FOXP1: variants seen among roughly 807,000 people sequenced by gnomAD.
FOXP1 encodes the protein forkhead box P1.
FOXP1 carries 15 observed loss-of-function variants against 98.2 expected under a neutral mutation model. The ratio of observed to expected loss-of-function variants is 0.15; its 90% CI spans 0.10 to 0.24. The LOEUF (loss-of-function observed/expected upper bound fraction) is 0.24. Among genes scored for constraint, FOXP1 ranks in the 10% least tolerant of loss-of-function variants. The pLI is 1.00. For synonymous variants in FOXP1, 371 were observed against 314.5 expected, an observed-to-expected ratio of 1.18 and a Z score of -1.90; for missense variants, 633 against 848.5, an observed-to-expected ratio of 0.75 and a Z score of 3.15.
chr3:71,145,228 A>T (rs955486970), intron 6 of FOXP1, among the ~76,000 whole-genome samples: 9 of 151,586 alleles, frequency 5.9e-5, no homozygotes, highest in Non-Finnish European at 1.2e-4. Context: ...ATTTTTATTT[A>T]TTTATTTTTT....
At chr3:71,314,653 A>T (rs1560292020) in intron 4 of FOXP1, among the ~76,000 whole-genome samples, 1 of 151,906 alleles carries the variant, frequency 6.6e-6, no homozygotes, top group African/African-American at 2.4e-5. Context: ...CAAAGTACTT[A>T]TTTTTTCCCC....
intron 2 of FOXP1, among the ~76,000 whole-genome samples, chr3:71,555,189 C>T (rs550349369): frequency 5.3e-5 from 8 of 152,262 alleles, no homozygotes; most frequent in Non-Finnish European, 8.8e-5. Context: ...CACTCTGCAG[C>T]GGGACTTCTC....
At position 70,958,737 on chromosome 3, in the gene FOXP1, C is replaced by CAAAAAAAAAAAAAAA. The variant is rs10633687; in HGVS notation, c.*495_*509dup. On this transcript the variant is annotated 3_prime_UTR_variant, in exon 21 of 21. Transcript: ENST00000649528. The stretch of plus-strand genomic sequence containing the variant: ...AGGCCTTCCCCATCCCAACTGGAAG[C>CAAAAAAAAAAAAAAA]AAAAAAAAAAAAAAAAAAAAAAAAA... The CAAAAAAAAAAAAAAA allele has an allele frequency of 4.2e-5, 1 of 23,836 alleles. No individual in the cohort carries two copies. Among genetic ancestry groups the CAAAAAAAAAAAAAAA allele is most frequent in the African/African-American group, 1.6e-4 (1 of 6,280 alleles). 1.5% of individuals were successfully genotyped at this position (23,836 alleles called of 1,614,324 possible).
intron 7 of FOXP1, among the ~76,000 whole-genome samples, chr3:71,093,338 A>G (rs2056102788): frequency 6.6e-6 from 1 of 150,818 alleles, no homozygotes; most frequent in African/African-American, 2.4e-5. Context: ...AGATCTTTTC[A>G]CAATGATGGA....
chr3:71,139,801 G>A (rs1269964732), intron 6 of FOXP1, among the ~76,000 whole-genome samples: 2 of 152,198 alleles, frequency 1.3e-5, no homozygotes, highest in African/African-American at 2.4e-5. Context: ...TCGCTATTAT[G>A]TGTTAAGGAA....
intron 2 of FOXP1, among the ~76,000 whole-genome samples, chr3:71,509,725 A>C (rs763289027): frequency 3.3e-5 from 5 of 152,068 alleles, no homozygotes; most frequent in African/African-American, 4.8e-5. Context: ...TCTACAAAAA[A>C]TTAAAAATTA....
chr3:70,956,620 A>G lies in FOXP1; in HGVS notation c.*2627T>C. The G allele has an allele frequency of 4.5e-6, 1 of 221,768 alleles. No individual in the cohort carries two copies. Among genetic ancestry groups the G allele is most frequent in the Non-Finnish European group, 8.9e-6 (1 of 111,850 alleles). 13.7% of individuals were successfully genotyped at this position (221,768 alleles called of 1,614,324 possible). Reference sequence around the variant, plus strand: ...GAATGAACTAATCTACCAGATTTTTATCCTCTTTTGAATACCAAACTAACC... The same window carrying G: ...GAATGAACTAATCTACCAGATTTTTGTCCTCTTTTGAATACCAAACTAACC... On this transcript the variant is annotated 3_prime_UTR_variant, in exon 21 of 21. Coordinates refer to ENST00000649528, the MANE Select transcript of FOXP1 (RefSeq NM_001349338.3).
intron 6 of FOXP1, among the ~76,000 whole-genome samples, chr3:71,161,270 G>A (rs1346869639): frequency 6.6e-6 from 1 of 152,164 alleles, no homozygotes; most frequent in Admixed American, 6.5e-5. Flanking sequence ...GCTCAGCTAG[G>A]CGATTCTTTG....
intron 4 of FOXP1, among the ~76,000 whole-genome samples, chr3:71,340,998 T>A (rs567463158): frequency 6.6e-6 from 1 of 151,934 alleles, no homozygotes; most frequent in East Asian, 1.9e-4. Flanking sequence ...ACAGGAGAAA[T>A]AGACAACTCC....
intron 3 of FOXP1, among the ~76,000 whole-genome samples, chr3:71,476,163 A>C (rs898238642): frequency 1.6e-4 from 25 of 152,246 alleles, no homozygotes; most frequent in African/African-American, 6.0e-4. Context: ...AATGACTGAA[A>C]GTGGTTTTCT....
At chr3:71,025,320 G>A (rs2045965810) in intron 11 of FOXP1, among the ~76,000 whole-genome samples, 2 of 152,088 alleles carry the variant, frequency 1.3e-5, no homozygotes, top group Non-Finnish European at 2.9e-5. Context: ...CCGATTCGGT[G>A]GTTCTGGGTG....
chr3:71,007,224 C>CA (rs1401845925), intron 12 of FOXP1, among the ~76,000 whole-genome samples: 1 of 152,136 alleles, frequency 6.6e-6, no homozygotes, highest in East Asian at 1.9e-4. Context: ...TTGCAATACT[C>CA]AAAGACTTGT....
At chr3:71,411,070 C>G (rs1251033809) in intron 3 of FOXP1, among the ~76,000 whole-genome samples, 1 of 152,226 alleles carries the variant, frequency 6.6e-6, no homozygotes, top group African/African-American at 2.4e-5. Context: ...TTAATCCACT[C>G]TCTACAGAGC....
At chr3:71,348,544 TGTGTGC>T (rs1358191856) in intron 4 of FOXP1, among the ~76,000 whole-genome samples, 28 of 127,010 alleles carry the variant, frequency 2.2e-4, no homozygotes, top group African/African-American at 9.9e-4. Flanking sequence ...TGTGTGTGTG[TGTGTGC>T]GTGCGCGCGC....
intron 10 of FOXP1, 25 bp from the exon 11 acceptor site, chr3:71,041,557 A>C: frequency 6.3e-7 from 1 of 1,598,216 alleles, no homozygotes; most frequent in South Asian, 1.1e-5. Flanking sequence ...TTGGATAATT[A>C]AATCAATTAA....
chr3:71,534,119 T>G (rs181800643), intron 2 of FOXP1, among the ~76,000 whole-genome samples: 3 of 152,108 alleles, frequency 2.0e-5, no homozygotes, highest in African/African-American at 7.2e-5. Flanking sequence ...ATCTCAGCAA[T>G]TTGGGAGGCC....
chr3:71,439,153 G>C (rs1399407898), intron 3 of FOXP1, among the ~76,000 whole-genome samples: 1 of 152,208 alleles, frequency 6.6e-6, no homozygotes, highest in Non-Finnish European at 1.5e-5. Context: ...GCAGAGCTCG[G>C]GCAGACTTCA....
rs574807418 is a variant in FOXP1, at chr3:71,301,952, C to A, written c.-72-2072G>T. On this transcript the variant is annotated intron_variant, in intron 4 of 20. Coordinates refer to ENST00000649528, the MANE Select transcript of FOXP1 (RefSeq NM_001349338.3). ...GGGAAAGAATTACAACAAAATTATA[C>A]AACTGACCATCCAATTTATAAATAC... 3.2e-3 allele frequency among the ~76,000 whole-genome samples: 491 copies of A among 152,240 alleles called. 6 individuals are homozygous for A. The highest frequency in any genetic ancestry group is 0.011 in the African/African-American group (471 of 41,542).
At chr3:71,091,104 T>TGC (rs2055775161) in intron 7 of FOXP1, among the ~76,000 whole-genome samples, 1 of 112,030 alleles carries the variant, frequency 8.9e-6, no homozygotes, top group Non-Finnish European at 1.8e-5. Flanking sequence ...ATTCTGTGTG[T>TGC]GTGTGTGTGT....
Sources: gnomAD v4.1 joint callset for allele counts (sites outside exome capture counted in the v4.1 genomes callset) on GRCh38, gnomAD v4.1.1 for gene constraint, MANE v1.5 for transcripts, NCBI Gene and HGNC (gene_info 2026-07-23, HGNC 2026-07-21) for gene names.